Variants in HMCN2 observed in about 807,000 individuals in gnomAD.
HMCN2 encodes hemicentin 2.
A neutral mutation model predicts 377.5 loss-of-function variants in HMCN2; 325 were observed. That is an observed-to-expected ratio of 0.86 (90% CI 0.79 to 0.94). The LOEUF (loss-of-function observed/expected upper bound fraction) is 0.94, where lower values mean the gene tolerates loss of function less well. Ranked by LOEUF, HMCN2 falls within the 40% of genes least tolerant of loss-of-function variation. The pLI is 0.00. For synonymous variants in HMCN2, 2,007 were observed against 2,046.8 expected (o/e 0.98, Z 0.53); for missense variants, 4,543 against 4,725.3 (o/e 0.96, Z 1.13).
chr9:130,338,833 G>C (rs1838899946), intron 23 of HMCN2, among the ~76,000 whole-genome samples: 2 of 152,166 alleles, frequency 1.3e-5, no homozygotes, highest in African/African-American at 4.8e-5. Flanking sequence ...TAAAATAATT[G>C]GACAAGCACA....
intron 4 of HMCN2, among the ~76,000 whole-genome samples, chr9:130,292,968 A>G (rs1362330261): frequency 7.9e-6 from 1 of 126,930 alleles, no homozygotes; most frequent in Non-Finnish European, 1.8e-5. Flanking sequence ...CTATCTATCT[A>G]TCTATCTATC....
chr9:130,280,306 G>A (rs756190436), intron 1 of HMCN2, among the ~76,000 whole-genome samples: 19 of 149,768 alleles, frequency 1.3e-4, no homozygotes, highest in Non-Finnish European at 2.5e-4. Context: ...GGGACTACAG[G>A]TGCCTGCCAC....
At chr9:130,354,191 C>A (rs1588293807) in intron 31 of HMCN2, among the ~76,000 whole-genome samples, 1 of 152,230 alleles carries the variant, frequency 6.6e-6, no homozygotes, top group South Asian at 2.1e-4. Flanking sequence ...GTAATGGCTT[C>A]ATCAGCTCAG....
intron 23 of HMCN2, chr9:130,338,628 C>T (rs1160907659): frequency 2.6e-5 from 4 of 151,942 alleles, no homozygotes; most frequent in African/African-American, 9.7e-5. Flanking sequence ...GGTGGGGGGT[C>T]CCAGGAGTGG....
intron 4 of HMCN2, 53 bp downstream of exon 4, chr9:130,286,363 G>C (rs1835413874): frequency 4.3e-6 from 2 of 464,958 alleles, no homozygotes; most frequent in Non-Finnish European, 8.9e-6. Context: ...GGCACGGTGA[G>C]GACACTGACC....
chr9:130,292,895 A>C (rs1458968441), intron 4 of HMCN2, among the ~76,000 whole-genome samples: 1 of 152,196 alleles, frequency 6.6e-6, no homozygotes, highest in Non-Finnish European at 1.5e-5. Flanking sequence ...ACCAAGATCT[A>C]GGTACTGGTG....
At chr9:130,403,704 A>T (rs1242873870) in intron 79 of HMCN2, 37 bp from the exon 80 acceptor site, 1 of 1,285,042 alleles carries the variant, frequency 7.8e-7, no homozygotes, top group South Asian at 1.2e-5. Context: ...CCCCAGTCCC[A>T]GTTCCCAGGC....
In HMCN2 at chr9:130,352,811, C is replaced by G; in HGVS notation, c.4586-116C>G. ...TTGTCCACCATGCCTTCCCTGCCCC[C>G]GCAATGGAAGCCTGTGGTGTGTCTT... On this transcript the variant is annotated intron_variant, in intron 30 of 97. Transcript: ENST00000683500. 3 of 859,902 alleles carry G rather than the reference C, an allele frequency of 3.5e-6. No homozygotes were observed. The South Asian group carries it at 5.3e-5, about 15-fold the overall frequency. The allele number at this position is 859,902 out of a possible 1,614,324, so 53.3% of individuals were successfully genotyped here. A position where few individuals can be genotyped will look rare whatever the true frequency, so the allele number is the denominator to read the frequency against.
At chr9:130,310,563 C>A (rs1253086993) in intron 15 of HMCN2, among the ~76,000 whole-genome samples, 2 of 152,158 alleles carry the variant, frequency 1.3e-5, no homozygotes, top group African/African-American at 4.8e-5. Context: ...CACAGAGCAA[C>A]CCTGGTGCAG....
At chr9:130,283,671 G>C (rs1443302701) in intron 1 of HMCN2, among the ~76,000 whole-genome samples, 1 of 152,016 alleles carries the variant, frequency 6.6e-6, no homozygotes, top group African/African-American at 2.4e-5. Context: ...ACTATAAATG[G>C]AACCATACTG....
At chr9:130,363,067 C>T in intron 40 of HMCN2, 77 bp downstream of exon 40, 1 of 978,548 alleles carries the variant, frequency 1.0e-6, no homozygotes, top group South Asian at 4.7e-5. Flanking sequence ...CAGTCACTTC[C>T]AAAAGGAGAG....
chr9:130,369,699 A>C lies in HMCN2; in HGVS notation c.6917A>C (p.Gln2306Pro). Residue 2306 changes from glutamine to proline, a missense_variant, in exon 45 of 98, where the codon CAG becomes CCG. Coordinates refer to ENST00000683500, the MANE Select transcript of HMCN2 (RefSeq NM_001291815.2). The surrounding 1 kb of genome is among the most constrained non-coding windows in gnomAD (Gnocchi z 4.5). ...PPTVTWERDGQPVGAELGLQL... is the reference protein window; with the variant it reads ...PPTVTWERDGPPVGAELGLQL... ...ACAGTGACATGGGAGCGGGACGGCC[A>C]GCCCGTGGGGGCTGAACTGGGCCTG... is the stretch of plus-strand genomic sequence containing the variant. The C allele has an allele frequency of 1.0e-6, 1 of 986,054 alleles. No individual in the cohort carries two copies. The highest frequency in any genetic ancestry group is 4.7e-5 in the South Asian group (1 of 21,296). 61.1% of individuals were successfully genotyped at this position (986,054 alleles called of 1,614,324 possible).
At chr9:130,283,713 G>T (rs115906854) in intron 1 of HMCN2, among the ~76,000 whole-genome samples, 4 of 152,132 alleles carry the variant, frequency 2.6e-5, no homozygotes, top group East Asian at 3.8e-4. Flanking sequence ...CTTCTCTCGC[G>T]TGGGAGGTGC....
At chr9:130,429,433 G>T (rs1170458609) in intron 93 of HMCN2, 124 bp from the exon 94 acceptor site, 2 of 1,251,114 alleles carry the variant, frequency 1.6e-6, no homozygotes, top group Non-Finnish European at 1.1e-6. Context: ...CATGCAGCCT[G>T]GTGGCACTGA....
At position 130,360,579 on chromosome 9, in the gene HMCN2, G is replaced by C. The variant is rs1840323526; in HGVS notation, c.5925G>C (p.Glu1975Asp). The C allele has an allele frequency of 7.7e-7, 1 of 1,303,170 alleles. No homozygotes were observed. The highest frequency in any genetic ancestry group is 1.5e-5 in the African/African-American group (1 of 65,778). 80.7% of individuals were successfully genotyped at this position (1,303,170 alleles called of 1,614,324 possible). Residue 1975 changes from glutamate (E) to aspartate (D), a missense_variant, in exon 38 of 98, where the codon GAG (glutamate) becomes GAC (aspartate). By Grantham distance (45) the Glu-to-Asp change is conservative (BLOSUM62 2). Coordinates refer to ENST00000683500, the MANE Select transcript of HMCN2 (RefSeq NM_001291815.2). The surrounding 1 kb of genome is among the most constrained non-coding windows in gnomAD (Gnocchi z 4.7). ...CATCCAATGTGGCAGGTAGCACAGA[G>C]CTGCGGTATGGCCTACGGGTCAATG... The part of the protein sequence containing the change: ...CVASNVAGST[E>D]LRYGLRVNVP...
chr9:130,269,520 C>T (rs1834298995), intron 1 of HMCN2, among the ~76,000 whole-genome samples: 1 of 147,890 alleles, frequency 6.8e-6, no homozygotes, highest in Admixed American at 6.8e-5. Flanking sequence ...TGAACTTCCA[C>T]CAGAACTGTT....
intron 1 of HMCN2, among the ~76,000 whole-genome samples, chr9:130,278,485 C>G (rs904450864): frequency 1.3e-5 from 2 of 152,040 alleles, no homozygotes; most frequent in African/African-American, 4.8e-5. Flanking sequence ...TGGAATGAAA[C>G]GTTTGTGGAT....
chr9:130,352,320 C>T (rs944630799), intron 30 of HMCN2, among the ~76,000 whole-genome samples: 6 of 152,230 alleles, frequency 3.9e-5, no homozygotes, highest in African/African-American at 1.2e-4. Context: ...TGTAAATTCT[C>T]GAGGCGTGGA....
Position 130,394,809 on chromosome 9 carries a change from G to A in HMCN2, c.10693-218G>A, listed in dbSNP as rs892091780. 1.3e-5 allele frequency among the ~76,000 whole-genome samples: 2 copies of A among 152,216 alleles called. No individual in the cohort carries two copies. The highest frequency in any genetic ancestry group is 2.4e-5 in the African/African-American group (1 of 41,458). ...CCCCATCTAGGCCAGAGGAGGGCTG[G>A]TGCAGTTAAGGGGGACTTCTGGGAA... On this transcript the variant is annotated intron_variant, in intron 69 of 97. Coordinates refer to ENST00000683500, the MANE Select transcript of HMCN2 (RefSeq NM_001291815.2). This position sits in a 1 kb window ranked among gnomAD's most constrained non-coding sequence, Gnocchi z 5.1.
Sources: allele counts gnomAD v4.1 joint callset (sites outside exome capture counted in the v4.1 genomes callset), GRCh38; gene constraint gnomAD v4.1.1; non-coding constraint Gnocchi (gnomAD v3.1); transcripts MANE v1.5; gene names NCBI Gene and HGNC (gene_info 2026-07-23, HGNC 2026-07-21).